Variants in FAM227B observed in about 807,000 individuals in gnomAD.
The protein encoded by FAM227B is protein FAM227B.
Under a neutral mutation model 73.8 loss-of-function variants are expected in FAM227B, and 88 were observed. The observed-to-expected ratio is 1.19, with a 90% CI of 1.00 to 1.42. The LOEUF (loss-of-function observed/expected upper bound fraction) is 1.42, where lower values mean the gene tolerates loss of function less well. Ranked by LOEUF, FAM227B falls within the 40% of genes most tolerant of loss-of-function variation. The pLI is 0.00. For missense variants in FAM227B, 632 were observed against 590.9 expected (o/e 1.07, Z -0.72); for synonymous variants, 210 against 190.5 (o/e 1.10, Z -0.84).
At chr15:49,433,325 A>G (rs2050783817) in intron 11 of FAM227B, among the ~76,000 whole-genome samples, 2 of 151,586 alleles carry the variant, frequency 1.3e-5, no homozygotes, top group Admixed American at 6.6e-5. Context: ...TAAGTACCAT[A>G]TCTTACTTTT....
chr15:49,503,537 G>A (rs886915866), intron 11 of FAM227B, among the ~76,000 whole-genome samples: 1 of 152,190 alleles, frequency 6.6e-6, no homozygotes, highest in African/African-American at 2.4e-5. Flanking sequence ...CTGACAAAGG[G>A]CTAATATCCA....
intron 11 of FAM227B, among the ~76,000 whole-genome samples, chr15:49,440,329 CT>C (rs2051519579): frequency 6.6e-6 from 1 of 151,596 alleles, no homozygotes; most frequent in Non-Finnish European, 1.5e-5. Flanking sequence ...TGATATATTT[CT>C]TATAAGTAAA....
chr15:49,349,687 G>T (rs2041983587), intron 13 of FAM227B, among the ~76,000 whole-genome samples: 1 of 152,066 alleles, frequency 6.6e-6, no homozygotes, highest in Non-Finnish European at 1.5e-5. Flanking sequence ...CTGTAAAAAG[G>T]CAATTGCAGA....
intron 10 of FAM227B, among the ~76,000 whole-genome samples, chr15:49,536,670 C>T (rs34208295): frequency 0.053 from 7,982 of 151,764 alleles, 359 homozygotes; most frequent in East Asian, 0.23. Context: ...TATTAAAAAG[C>T]TATAGAAATA....
intron 13 of FAM227B, among the ~76,000 whole-genome samples, chr15:49,335,757 T>C (rs567515123): frequency 7.2e-5 from 11 of 152,368 alleles, no homozygotes; most frequent in Middle Eastern, 3.4e-3. Context: ...ATCCTGTAAT[T>C]ACCTTTTGTA....
chr15:49,437,801 T>C (rs2051245024), intron 11 of FAM227B, among the ~76,000 whole-genome samples: 1 of 151,648 alleles, frequency 6.6e-6, no homozygotes, highest in African/African-American at 2.4e-5. Flanking sequence ...TATGTGTGGA[T>C]ACCAACACCA....
At chr15:49,382,777 G>A (rs1389301654) in intron 11 of FAM227B, among the ~76,000 whole-genome samples, 1 of 152,022 alleles carries the variant, frequency 6.6e-6, no homozygotes, top group Non-Finnish European at 1.5e-5. Context: ...GGGTAAGATG[G>A]AGCTCTCCTT....
At chr15:49,487,333 A>C (rs1306850726) in intron 11 of FAM227B, 2 of 152,022 alleles carry the variant, frequency 1.3e-5, no homozygotes, top group African/African-American at 4.8e-5. Context: ...TAGAAAAGAA[A>C]AAATTAAAAC....
chr15:49,454,188 G>A (rs1245164433), intron 11 of FAM227B, among the ~76,000 whole-genome samples: 2 of 152,122 alleles, frequency 1.3e-5, no homozygotes, highest in Non-Finnish European at 2.9e-5. Flanking sequence ...TATATAGTTA[G>A]CATTTTATCA....
intron 8 of FAM227B, among the ~76,000 whole-genome samples, chr15:49,570,316 T>G (rs1237505942): frequency 6.6e-6 from 1 of 151,876 alleles, no homozygotes; most frequent in Admixed American, 6.6e-5. Flanking sequence ...TTGATAACAG[T>G]CATGTGAGAT....
chr15:49,581,678 G>A (rs1472214758), intron 5 of FAM227B, among the ~76,000 whole-genome samples: 2 of 152,132 alleles, frequency 1.3e-5, no homozygotes, highest in African/African-American at 4.8e-5. Context: ...GCCAAACTAA[G>A]CTTCACAAGT....
At chr15:49,361,315 G>C (rs1384238926) in intron 13 of FAM227B, among the ~76,000 whole-genome samples, 1 of 152,022 alleles carries the variant, frequency 6.6e-6, no homozygotes, top group Non-Finnish European at 1.5e-5. Flanking sequence ...TGATGTTACA[G>C]GGATTTGTTG....
intron 11 of FAM227B, among the ~76,000 whole-genome samples, chr15:49,416,051 A>G (rs1186088472): frequency 6.6e-6 from 1 of 151,786 alleles, no homozygotes; most frequent in Non-Finnish European, 1.5e-5. Context: ...GTCCCTGCCT[A>G]CCTCTTCAGG....
chr15:49,500,290 A>T (rs971879172), intron 11 of FAM227B, among the ~76,000 whole-genome samples: 3 of 152,242 alleles, frequency 2.0e-5, no homozygotes, highest in African/African-American at 7.2e-5. Context: ...TCAAATAAAA[A>T]TGGCCAAGAT....
chr15:49,422,874 A>G (rs1482106094), intron 11 of FAM227B, among the ~76,000 whole-genome samples: 3 of 152,214 alleles, frequency 2.0e-5, no homozygotes, highest in African/African-American at 4.8e-5. Context: ...ACAAAGAAGT[A>G]ATTGAAGAAA....
chr15:49,466,023 T>C (rs1239358319), intron 11 of FAM227B, among the ~76,000 whole-genome samples: 3 of 152,150 alleles, frequency 2.0e-5, no homozygotes, highest in African/African-American at 7.2e-5. Context: ...GCAAAATTTA[T>C]AAATAACAAG....
At chr15:49,540,050 T>C (rs561315131) in intron 10 of FAM227B, among the ~76,000 whole-genome samples, 2 of 152,180 alleles carry the variant, frequency 1.3e-5, no homozygotes, top group East Asian at 3.9e-4. Context: ...TGGCTTCTTA[T>C]TGAGGATGGA....
At position 49,353,838 on chromosome 15, in the gene FAM227B, T is replaced by C. The variant is rs571858771; in HGVS notation, c.1271+13610A>G. 9 of 152,324 alleles carry C rather than the reference T, an allele frequency of 5.9e-5. No homozygotes were observed. The South Asian group carries it at 1.9e-3, about 32-fold the overall frequency. The allele number at this position is 152,324 out of a possible 1,614,324, so 9.4% of individuals were successfully genotyped here. A position where few individuals can be genotyped will look rare whatever the true frequency, so the allele number is the denominator to read the frequency against. ...TTATCCTTTTAAAAATGTGATTGCA[T>C]TACTAGGTTCTTACCATATGTTAAT... On this transcript the variant is annotated intron_variant, in intron 13 of 15. Coordinates refer to ENST00000299338, the MANE Select transcript of FAM227B (RefSeq NM_152647.3).
intron 5 of FAM227B, among the ~76,000 whole-genome samples, chr15:49,579,307 T>C (rs1203598084): frequency 6.6e-6 from 1 of 152,100 alleles, no homozygotes; most frequent in African/African-American, 2.4e-5. Flanking sequence ...CTACTCAGTA[T>C]CTCTCCAAAA....
Sources: allele counts gnomAD v4.1 joint callset (sites outside exome capture counted in the v4.1 genomes callset), GRCh38; gene constraint gnomAD v4.1.1; transcripts MANE v1.5; gene names NCBI Gene and HGNC (gene_info 2026-07-23, HGNC 2026-07-21).